Variants in AGO3 observed in about 807,000 individuals in gnomAD.
The protein encoded by AGO3 is argonaute RISC catalytic component 3.
Under a neutral mutation model 105.5 loss-of-function variants are expected in AGO3, and 16 were observed. The ratio of observed to expected loss-of-function variants is 0.15; its 90% CI spans 0.10 to 0.23. AGO3 has a LOEUF of 0.23. Ranked by LOEUF, AGO3 falls within the 10% of genes least tolerant of loss-of-function variation. The probability of loss-of-function intolerance (pLI) is 1.00; values close to 1 mark genes in which losing one functional copy is unlikely to be tolerated. For missense variants in AGO3, 534 were observed against 1,088.0 expected (o/e 0.49, Z 7.16); for synonymous variants, 340 against 367.3 (o/e 0.93, Z 0.85).
At chr1:35,961,749 G>C (rs1294546250) in intron 2 of AGO3, among the ~76,000 whole-genome samples, 1 of 152,094 alleles carries the variant, frequency 6.6e-6, no homozygotes, top group South Asian at 2.1e-4. Context: ...TTTAATATAT[G>C]GTGGGATAGT....
rs1642177334 is a variant in AGO3, at chr1:36,039,915, G to A, written c.1968G>A (p.Lys656=). Residue 656 remains lysine (K), a synonymous_variant, in exon 15 of 19, where the codon AAG becomes AAA. Transcript: ENST00000373191. ...MVRELLIQFY[K]STRFKPTRII... ...GGGAACTTCTTATTCAATTTTATAA[G>A]TCAACTCGGTTCAAGCCTACTCGTA... The A allele has an allele frequency of 6.2e-7, 1 of 1,614,050 alleles. No homozygotes were observed. The highest frequency in any genetic ancestry group is 8.5e-7 in the Non-Finnish European group (1 of 1,180,016).
At chr1:35,987,603 CA>C (rs796848970) in intron 5 of AGO3, among the ~76,000 whole-genome samples, 41 of 151,884 alleles carry the variant, frequency 2.7e-4, no homozygotes, top group African/African-American at 8.4e-4. Context: ...AAATACACAC[CA>C]ATTTCAAGAT....
chr1:36,010,392 C>T (rs1351377316), intron 9 of AGO3, among the ~76,000 whole-genome samples: 1 of 151,748 alleles, frequency 6.6e-6, no homozygotes, highest in Non-Finnish European at 1.5e-5. Context: ...TCACTTGAGG[C>T]CAGGAATTTG....
At chr1:36,033,618 C>T (rs571612328) in intron 12 of AGO3, among the ~76,000 whole-genome samples, 1 of 148,504 alleles carries the variant, frequency 6.7e-6, no homozygotes, top group South Asian at 2.2e-4. Context: ...GCACTCCAGC[C>T]TGGGTGACAG....
At chr1:35,982,749 G>T (rs1156786748) in intron 5 of AGO3, 8 of 661,772 alleles carry the variant, frequency 1.2e-5, no homozygotes, top group Admixed American at 2.5e-5. Context: ...GGATGGAGAG[G>T]AAGGATTAAG....
In AGO3 at chr1:36,068,533, A is replaced by C. The variant is rs981567288; in HGVS notation, c.*12788A>C. ...TAAATAAATAAGAATTATTCTTGAA[A>C]GTAATATTCTAACCTTCTGCCAACC... is the stretch of plus-strand genomic sequence containing the variant. On this transcript the variant is annotated 3_prime_UTR_variant, in exon 19 of 19. Transcript: ENST00000373191. 1 of 152,236 alleles carries C rather than the reference A, an allele frequency of 6.6e-6. No individual in the cohort carries two copies. The highest frequency in any genetic ancestry group is 2.1e-4 in the South Asian group (1 of 4,836). 9.4% of individuals were successfully genotyped at this position (152,236 alleles called of 1,614,324 possible).
At chr1:35,965,918 T>C (rs898092996) in intron 2 of AGO3, among the ~76,000 whole-genome samples, 1 of 150,844 alleles carries the variant, frequency 6.6e-6, no homozygotes, top group Non-Finnish European at 1.5e-5. Context: ...CTCTGCCTTC[T>C]GGGTTCAAGC....
chr1:36,062,026 G>A lies in AGO3; in HGVS notation c.*6281G>A, dbSNP rs914285783. The A allele has an allele frequency of 2.0e-5, 3 of 152,136 alleles. No individual in the cohort carries two copies. The highest frequency in any genetic ancestry group is 4.4e-5 in the Non-Finnish European group (3 of 68,026). The allele number at this position is 152,136 out of a possible 1,614,324, so 9.4% of individuals were successfully genotyped here. On this transcript the variant is annotated 3_prime_UTR_variant, in exon 19 of 19. Coordinates refer to ENST00000373191, the MANE Select transcript of AGO3 (RefSeq NM_024852.4). ...GAATTACCTCTTTTAATTCCCAACT[G>A]TGTTGGAGGAAATCCATAATGCACA...
chr1:35,949,845 A>T (rs1646437076), intron 2 of AGO3, among the ~76,000 whole-genome samples: 1 of 152,116 alleles, frequency 6.6e-6, no homozygotes, highest in Admixed American at 6.5e-5. Context: ...GCTGGTTTTG[A>T]ACTCCTGAGC....
rs1239619875 is a variant in AGO3, at chr1:36,071,455, C to G, written c.*15710C>G. On this transcript the variant is annotated 3_prime_UTR_variant, in exon 19 of 19. Transcript: ENST00000373191. The stretch of plus-strand genomic sequence containing the variant: ...AGGTTGATATCAGTATGTTTTGAAA[C>G]TGAATTATTACATAAAATCAGAGTA... 2.6e-5 allele frequency: 4 copies of G among 152,160 alleles called. No individual in the cohort carries two copies. The highest frequency in any genetic ancestry group is 5.9e-5 in the Non-Finnish European group (4 of 68,038). 9.4% of individuals were successfully genotyped at this position (152,160 alleles called of 1,614,324 possible). A position where few individuals can be genotyped will look rare whatever the true frequency, so the allele number is the denominator to read the frequency against.
chr1:35,966,909 T>C, intron 2 of AGO3, 46 bp from the exon 3 acceptor site: 1 of 1,544,688 alleles, frequency 6.5e-7, no homozygotes, highest in East Asian at 2.3e-5. Flanking sequence ...ATTTTTATAT[T>C]TCATCTTACA....
intron 2 of AGO3, among the ~76,000 whole-genome samples, chr1:35,946,384 C>G (rs1198887537): frequency 6.6e-6 from 1 of 152,006 alleles, no homozygotes; most frequent in Non-Finnish European, 1.5e-5. Flanking sequence ...AGTAAGCTTC[C>G]TCTCGCCTCC....
intron 14 of AGO3, 50 bp downstream of exon 14, chr1:36,036,317 A>G (rs774060662): frequency 2.6e-6 from 4 of 1,520,430 alleles, no homozygotes; most frequent in East Asian, 2.3e-5. Context: ...ACCAGTATCA[A>G]TTTTGCAGTT....
chr1:36,013,762 C>T lies in AGO3; in HGVS notation c.1272+10C>T. On this transcript the variant is annotated intron_variant, in intron 10 of 18. Coordinates refer to ENST00000373191, the MANE Select transcript of AGO3 (RefSeq NM_024852.4). Reference sequence around the variant, plus strand: ...CCAGTATGGAGGACGGGTAAAGTCTCTTGTTAATGTTTTAATCATACACAT... The same window carrying T: ...CCAGTATGGAGGACGGGTAAAGTCTTTTGTTAATGTTTTAATCATACACAT... 3 of 1,612,512 alleles carry T rather than the reference C, an allele frequency of 1.9e-6. No homozygotes were observed. Among genetic ancestry groups the T allele is most frequent in the Non-Finnish European group, 2.5e-6 (3 of 1,178,938 alleles).
At chr1:36,045,561 CGCTAGAGTGTAATGGCGTGATCCCAG>C (rs1190559586) in intron 17 of AGO3, among the ~76,000 whole-genome samples, 11 of 150,282 alleles carry the variant, frequency 7.3e-5, no homozygotes, top group South Asian at 2.1e-4. Flanking sequence ...TTGTCGCCCA[CGCTAGAGTGTAATGGCGTGATCCCAG>C]GCTAGAGTGT....
intron 2 of AGO3, among the ~76,000 whole-genome samples, chr1:35,966,171 A>G (rs1253454068): frequency 3.3e-5 from 5 of 152,208 alleles, no homozygotes; most frequent in African/African-American, 7.2e-5. Flanking sequence ...CTATGTGAGT[A>G]CATTCTCATT....
chr1:35,971,938 CTCT>C, intron 3 of AGO3, 83 bp from the exon 4 acceptor site: 1 of 1,287,338 alleles, frequency 7.8e-7, no homozygotes, highest in Non-Finnish European at 1.1e-6. Context: ...GCCATGTTTT[CTCT>C]TAGATATTTT....
chr1:35,971,890 A>C lies in AGO3; in HGVS notation c.313-134A>C, dbSNP rs529919800. The C allele has an allele frequency of 3.7e-6, 3 of 812,608 alleles. No homozygotes were observed. In the African/African-American group the frequency reaches 5.2e-5, roughly 14 times the overall value. 50.3% of individuals were successfully genotyped at this position (812,608 alleles called of 1,614,324 possible). On this transcript the variant is annotated intron_variant, in intron 3 of 18. Transcript: ENST00000373191. ...TATGTTATTTAAATTTTATCTACAA[A>C]AAAAAATGGTATATTTTAGTCTATT... is the stretch of plus-strand genomic sequence containing the variant.
intron 11 of AGO3, among the ~76,000 whole-genome samples, chr1:36,017,819 C>T (rs1182569507): frequency 6.6e-6 from 1 of 151,950 alleles, no homozygotes; most frequent in Non-Finnish European, 1.5e-5. Context: ...GGGAGGATTG[C>T]TTGAGCCCAG....
Sources: gnomAD v4.1 joint callset for allele counts (sites outside exome capture counted in the v4.1 genomes callset) on GRCh38, gnomAD v4.1.1 for gene constraint, MANE v1.5 for transcripts, NCBI Gene and HGNC (gene_info 2026-07-23, HGNC 2026-07-21) for gene names.